PLCB4: variants seen among roughly 807,000 people sequenced by gnomAD.
PLCB4 encodes the protein phospholipase C beta 4, also known as 1-phosphatidylinositol 4,5-bisphosphate phosphodiesterase beta-4.
In PLCB4, 77 loss-of-function variants were observed where a neutral mutation model predicts 178.8. That is an observed-to-expected ratio of 0.43 (90% CI 0.36 to 0.52). The LOEUF (loss-of-function observed/expected upper bound fraction) is 0.52, where lower values mean the gene tolerates loss of function less well. PLCB4 is among the 20% of genes least tolerant of loss of function. PLCB4 has a pLI of 0.00. For missense variants in PLCB4, 1,024 were observed against 1,453.4 expected (o/e 0.70, Z 4.80); for synonymous variants, 496 against 490.8 (o/e 1.01, Z -0.14).
At chr20:9,301,129 A>C (rs1292852251) in intron 3 of PLCB4, among the ~76,000 whole-genome samples, 1 of 151,454 alleles carries the variant, frequency 6.6e-6, no homozygotes, top group Non-Finnish European at 1.5e-5. Context: ...CCCTTTTGTA[A>C]GGACATTTAG....
chr20:9,196,166 G>A (rs562578873), intron 2 of PLCB4, among the ~76,000 whole-genome samples: 1 of 152,326 alleles, frequency 6.6e-6, no homozygotes, highest in East Asian at 1.9e-4. Flanking sequence ...AACAGTCTAT[G>A]TGTGGGGAGC....
chr20:9,202,950 G>A (rs1267063857), intron 2 of PLCB4, among the ~76,000 whole-genome samples: 1 of 149,996 alleles, frequency 6.7e-6, no homozygotes, highest in Non-Finnish European at 1.5e-5. Flanking sequence ...CAAAAACCAG[G>A]TAACTGCTGT....
Position 9,375,669 on chromosome 20 carries a change from A to C in PLCB4, c.744+2565A>C, listed in dbSNP as rs545146680. ...TTTTTCCACTCCACTGGTTCATATA[A>C]TGAGACAAAAAAATAAACAAGTCCC... On this transcript the variant is annotated intron_variant, in intron 12 of 39. Transcript: ENST00000378473. Among the ~76,000 whole-genome samples the C allele has an allele frequency of 3.3e-5, 5 of 152,272 alleles. No homozygotes were observed. The East Asian group carries it at 9.6e-4, about 29-fold the overall frequency.
At position 9,410,618 on chromosome 20, in the gene PLCB4, T is replaced by C. The variant is rs2148511404; in HGVS notation, c.2000-419T>C. Reference sequence around the variant, plus strand: ...AAGCATGCCACCAAGTTTTATGCGATACTTACCTAGTTCATTTTCCAGTCT... The same window carrying C: ...AAGCATGCCACCAAGTTTTATGCGACACTTACCTAGTTCATTTTCCAGTCT... On this transcript the variant is annotated intron_variant, in intron 24 of 39. Coordinates refer to ENST00000378473, the MANE Select transcript of PLCB4 (RefSeq NM_001377142.1). Among the ~76,000 whole-genome samples the C allele has an allele frequency of 2.6e-5, 4 of 152,330 alleles. No homozygotes were observed. The South Asian group carries it at 8.3e-4, about 32-fold the overall frequency.
intron 3 of PLCB4, among the ~76,000 whole-genome samples, chr20:9,229,535 A>G (rs1011823905): frequency 2.6e-5 from 4 of 152,042 alleles, no homozygotes; most frequent in Non-Finnish European, 5.9e-5. Context: ...CAAACTGTCA[A>G]CAGGGATTCC....
At chr20:9,235,271 G>A (rs1200901106) in intron 3 of PLCB4, among the ~76,000 whole-genome samples, 1 of 152,130 alleles carries the variant, frequency 6.6e-6, no homozygotes, top group Non-Finnish European at 1.5e-5. Context: ...ACAGTTGCTG[G>A]TGATGATGAT....
At position 9,479,810 on chromosome 20, in the gene PLCB4, A is replaced by G. The variant is rs1002050735; in HGVS notation, c.*801A>G. 7.2e-5 allele frequency: 11 copies of G among 152,650 alleles called. No homozygotes were observed. Among genetic ancestry groups the G allele is most frequent in the African/African-American group, 2.7e-4 (11 of 41,462 alleles). The allele number at this position is 152,650 out of a possible 1,614,324, so 9.5% of individuals were successfully genotyped here. Reference sequence around the variant, plus strand: ...TACTCTTTAATTCACACTGTTAGAGAGCAAAATCATCTAAGTATTGCCACA... The same window carrying G: ...TACTCTTTAATTCACACTGTTAGAGGGCAAAATCATCTAAGTATTGCCACA... On this transcript the variant is annotated 3_prime_UTR_variant, in exon 40 of 40. Coordinates refer to ENST00000378473, the MANE Select transcript of PLCB4 (RefSeq NM_001377142.1).
intron 7 of PLCB4, among the ~76,000 whole-genome samples, chr20:9,358,034 A>G (rs2034996060): frequency 6.6e-6 from 1 of 152,154 alleles, no homozygotes; most frequent in South Asian, 2.1e-4. Context: ...CATTCCTAAC[A>G]AGCTCCCAGA....
intron 4 of PLCB4, among the ~76,000 whole-genome samples, chr20:9,322,066 G>A (rs982697095): frequency 1.3e-5 from 2 of 149,132 alleles, no homozygotes; most frequent in Non-Finnish European, 3.0e-5. Context: ...TCCTGCCTCA[G>A]CCTCCCTCCC....
intron 35 of PLCB4, among the ~76,000 whole-genome samples, chr20:9,460,232 A>T (rs2043305836): frequency 6.6e-6 from 1 of 152,240 alleles, no homozygotes; most frequent in African/African-American, 2.4e-5. Context: ...CACTAAAGGC[A>T]TCCAGCTCAG....
At chr20:9,107,931 G>A (rs762932830) in intron 2 of PLCB4, among the ~76,000 whole-genome samples, 2 of 152,026 alleles carry the variant, frequency 1.3e-5, no homozygotes, top group African/African-American at 2.4e-5. Context: ...TGAGATTCTC[G>A]ATCTCTTTTG....
chr20:9,072,796 A>G (rs2089636804), intron 1 of PLCB4, among the ~76,000 whole-genome samples: 1 of 152,154 alleles, frequency 6.6e-6, no homozygotes, highest in African/African-American at 2.4e-5. Flanking sequence ...CAGCTAGGAG[A>G]TCCTTATGTT....
chr20:9,090,512 GT>G (rs745364250), intron 1 of PLCB4, among the ~76,000 whole-genome samples: 1,217 of 35,932 alleles, frequency 0.034, 2 homozygotes, highest in African/African-American at 0.056. Flanking sequence ...TTTTTAGTGT[GT>G]TTTTTTTTTT....
At chr20:9,420,152 G>T (rs2040527248) in intron 26 of PLCB4, among the ~76,000 whole-genome samples, 1 of 152,018 alleles carries the variant, frequency 6.6e-6, no homozygotes, top group Non-Finnish European at 1.5e-5. Context: ...CAAAATTCTA[G>T]AAAATGCAAA....
intron 39 of PLCB4, 90 bp downstream of exon 39, chr20:9,476,843 T>C (rs1228123727): frequency 2.4e-6 from 2 of 820,178 alleles, no homozygotes; most frequent in Non-Finnish European, 4.2e-6. Context: ...GAGTCACATC[T>C]GGTCATAACT....
chr20:9,321,472 C>T lies in PLCB4; in HGVS notation c.84+13574C>T, dbSNP rs1171265896. Among the ~76,000 whole-genome samples the T allele has an allele frequency of 5.3e-5, 8 of 152,204 alleles. No individual in the cohort carries two copies. The Middle Eastern group carries it at 0.01, about 194-fold the overall frequency. ...AAGACCTGTTTAACTTTTTACTCAC[C>T]GTTTGCATTACTTATTCTAGACCAT... is the stretch of plus-strand genomic sequence containing the variant. On this transcript the variant is annotated intron_variant, in intron 4 of 39. Transcript: ENST00000378473.
chr20:9,274,562 A>G (rs1247629760), intron 3 of PLCB4, among the ~76,000 whole-genome samples: 1 of 152,128 alleles, frequency 6.6e-6, no homozygotes, highest in East Asian at 1.9e-4. Context: ...TATTTCCATC[A>G]GCCTTGGACA....
intron 3 of PLCB4, among the ~76,000 whole-genome samples, chr20:9,273,166 G>C (rs541197952): frequency 2.6e-5 from 4 of 152,068 alleles, no homozygotes; most frequent in African/African-American, 9.7e-5. Context: ...TTTGCAAAGC[G>C]TACAATCAAG....
At chr20:9,452,390 G>A (rs766582227) in intron 32 of PLCB4, among the ~76,000 whole-genome samples, 20 of 152,088 alleles carry the variant, frequency 1.3e-4, no homozygotes, top group Non-Finnish European at 2.4e-4. Context: ...CGGTGAGAGG[G>A]GTTATATAAC....
Sources: gnomAD v4.1 joint callset for allele counts (sites outside exome capture counted in the v4.1 genomes callset) on GRCh38, gnomAD v4.1.1 for gene constraint, MANE v1.5 for transcripts, NCBI Gene and HGNC (gene_info 2026-07-23, HGNC 2026-07-21) for gene names.